Variants in FRMD6 observed in about 807,000 individuals in gnomAD.
FRMD6 encodes the protein FERM domain containing 6.
Under a neutral mutation model 73.2 loss-of-function variants are expected in FRMD6, and 37 were observed. That is an observed-to-expected ratio of 0.51 (90% CI 0.39 to 0.66). The LOEUF (loss-of-function observed/expected upper bound fraction) is 0.66, where lower values mean the gene tolerates loss of function less well. Among genes scored for constraint, FRMD6 ranks in the 30% least tolerant of loss-of-function variants. The pLI, the probability that FRMD6 is intolerant of heterozygous loss-of-function variation, is 0.00. For missense variants in FRMD6, 714 were observed against 780.5 expected (o/e 0.91, Z 1.02); for synonymous variants, 273 against 282.2 (o/e 0.97, Z 0.33).
At chr14:51,523,574 G>T (rs1332173156) in intron 1 of FRMD6, among the ~76,000 whole-genome samples, 1 of 152,210 alleles carries the variant, frequency 6.6e-6, no homozygotes, top group Admixed American at 6.5e-5. Context: ...GCTCCTGTAA[G>T]TGTATGCTGC....
chr14:51,485,622 TAATTTCTGCATTTGA>T (rs141172754), upstream of FRMD6, among the ~76,000 whole-genome samples: 8,550 of 152,298 alleles, frequency 0.056, 515 homozygotes, highest in Admixed American at 0.18. Flanking sequence ...TCCAAATTTC[TAATTTCTGCATTTGA>T]AATTTCTGCA....
the FRMD6 span, among the ~76,000 whole-genome samples, chr14:51,421,334 A>T: frequency 6.6e-6 from 1 of 152,226 alleles, no homozygotes; most frequent in South Asian, 2.1e-4. Context: ...CAGGAAAATA[A>T]GTTGAAAAAA....
the FRMD6 span, chr14:51,396,973 C>T: frequency 6.6e-6 from 1 of 152,288 alleles, no homozygotes; most frequent in African/African-American, 2.4e-5. Context: ...GAGGATTTAT[C>T]CCTTGCTATA....
chr14:51,544,772 G>C (rs1886379981), intron 1 of FRMD6, among the ~76,000 whole-genome samples: 1 of 151,894 alleles, frequency 6.6e-6, no homozygotes, highest in Non-Finnish European at 1.5e-5. Context: ...CGAGCCAAGA[G>C]AGACTTTGTA....
chr14:51,559,997 C>A (rs1269960021), intron 1 of FRMD6, among the ~76,000 whole-genome samples: 2 of 152,100 alleles, frequency 1.3e-5, no homozygotes, highest in Non-Finnish European at 2.9e-5. Context: ...CTGTCCATTC[C>A]TTTTTAAGAC....
chr14:51,679,310 G>A (rs1894627430), intron 1 of FRMD6, among the ~76,000 whole-genome samples: 1 of 150,694 alleles, frequency 6.6e-6, no homozygotes, highest in Non-Finnish European at 1.5e-5. Flanking sequence ...GTGTATAGAT[G>A]TATATATTTG....
At chr14:51,713,382 C>A (rs180996199) in intron 9 of FRMD6, among the ~76,000 whole-genome samples, 1 of 150,882 alleles carries the variant, frequency 6.6e-6, no homozygotes, top group Non-Finnish European at 1.5e-5. Flanking sequence ...CTCTTGAACC[C>A]GAGAGGCGAT....
At chr14:51,506,195 C>G (rs1193408308) in intron 1 of FRMD6, among the ~76,000 whole-genome samples, 1 of 152,146 alleles carries the variant, frequency 6.6e-6, no homozygotes, top group African/African-American at 2.4e-5. Flanking sequence ...TCCATCAGAT[C>G]TAGCCTTCTC....
upstream of FRMD6, among the ~76,000 whole-genome samples, chr14:51,648,315 T>A (rs1303423724): frequency 6.6e-6 from 1 of 152,206 alleles, no homozygotes; most frequent in Non-Finnish European, 1.5e-5. Context: ...TACCAAAGTT[T>A]ACACCTCTCA....
chr14:51,436,041 G>GC, the FRMD6 span: 1 of 174,684 alleles, frequency 5.7e-6, no homozygotes. Context: ...TAGCCACATG[G>GC]CCCCCAAACA....
chr14:51,654,920 T>G (rs890520897), intron 1 of FRMD6, among the ~76,000 whole-genome samples: 3 of 152,130 alleles, frequency 2.0e-5, no homozygotes, highest in Non-Finnish European at 4.4e-5. Flanking sequence ...ATGCCCTAGT[T>G]TGGTAGATGA....
chr14:51,699,747 T>C (rs889364079), intron 3 of FRMD6, among the ~76,000 whole-genome samples: 1 of 152,058 alleles, frequency 6.6e-6, no homozygotes, highest in African/African-American at 2.4e-5. Flanking sequence ...TTTAAAAATA[T>C]ATATATGTAC....
the FRMD6 span, among the ~76,000 whole-genome samples, chr14:51,476,142 C>G: frequency 7.2e-5 from 11 of 152,206 alleles, no homozygotes; most frequent in African/African-American, 2.7e-4. Flanking sequence ...TTCTCTCTTT[C>G]CACATCCATT....
At chr14:51,474,223 G>A in the FRMD6 span, among the ~76,000 whole-genome samples, 1 of 152,118 alleles carries the variant, frequency 6.6e-6, no homozygotes, top group African/African-American at 2.4e-5. Context: ...AAAACGCTGG[G>A]GTGCTTATTT....
At chr14:51,528,272 T>TGTTC (rs1455904625) in intron 1 of FRMD6, among the ~76,000 whole-genome samples, 1 of 152,160 alleles carries the variant, frequency 6.6e-6, no homozygotes, top group African/African-American at 2.4e-5. Flanking sequence ...GAGCAACTTG[T>TGTTC]GTTCTCTCCC....
At chr14:51,681,566 A>G (rs1399075451) in intron 1 of FRMD6, among the ~76,000 whole-genome samples, 1 of 152,162 alleles carries the variant, frequency 6.6e-6, no homozygotes, top group African/African-American at 2.4e-5. Flanking sequence ...TTCAAACCCA[A>G]GCTGTTTGGC....
intron 9 of FRMD6, 94 bp downstream of exon 9, chr14:51,712,645 T>A (rs1897007231): frequency 1.3e-6 from 1 of 782,180 alleles, no homozygotes; most frequent in East Asian, 2.5e-5. Context: ...TAAACAATAT[T>A]GTCTCAGGCA....
At chr14:51,700,265 GCTCT>G (rs1050569175) in intron 3 of FRMD6, among the ~76,000 whole-genome samples, 35 of 152,104 alleles carry the variant, frequency 2.3e-4, no homozygotes, top group African/African-American at 8.2e-4. Flanking sequence ...TTGTGAAATA[GCTCT>G]CTCTTTTAAA....
At chr14:51,498,353 T>C (rs958536626) in intron 1 of FRMD6, among the ~76,000 whole-genome samples, 4 of 152,198 alleles carry the variant, frequency 2.6e-5, no homozygotes, top group Non-Finnish European at 5.9e-5. Context: ...CTGCCCACCA[T>C]GTGGTCCCAA....
Sources: gnomAD v4.1 joint callset for allele counts (sites outside exome capture counted in the v4.1 genomes callset) on GRCh38, gnomAD v4.1.1 for gene constraint, MANE v1.5 for transcripts, NCBI Gene and HGNC (gene_info 2026-07-23, HGNC 2026-07-21) for gene names.